ALK: variants seen among roughly 807,000 people sequenced by gnomAD.
ALK encodes ALK tyrosine kinase receptor.
A neutral mutation model predicts 163.1 loss-of-function variants in ALK; 74 were observed. The observed-to-expected ratio is 0.45, with a 90% CI of 0.38 to 0.55. The LOEUF is 0.55. Ranked by LOEUF, ALK falls within the 20% of genes least tolerant of loss-of-function variation. The pLI, the probability that ALK is intolerant of heterozygous loss-of-function variation, is 0.00. For synonymous variants in ALK, 960 were observed against 843.2 expected, an observed-to-expected ratio of 1.14 and a Z score of -2.40; for missense variants, 2,063 against 2,105.3, an observed-to-expected ratio of 0.98 and a Z score of 0.39.
At position 29,528,744 on chromosome 2, in the gene ALK, C is replaced by A. The variant is rs142161724; in HGVS notation, c.1154+3171G>T. Among the ~76,000 whole-genome samples the A allele has an allele frequency of 5.4e-3, 824 of 152,266 alleles. 5 individuals carry two copies. Among genetic ancestry groups the A allele is most frequent in the Admixed American group, 0.011 (170 of 15,294 alleles). On this transcript the variant is annotated intron_variant, in intron 4 of 28. Coordinates refer to ENST00000389048, the MANE Select transcript of ALK (RefSeq NM_004304.5). The stretch of plus-strand genomic sequence containing the variant: ...TTTCCATATGCCATTTCACAGCTCA[C>A]CATTTTACATAAGTATTATCCTATT...
At chr2:29,634,657 A>G (rs1231882151) in intron 3 of ALK, among the ~76,000 whole-genome samples, 1 of 152,222 alleles carries the variant, frequency 6.6e-6, no homozygotes, top group Non-Finnish European at 1.5e-5. Flanking sequence ...TAAACTCTAT[A>G]GCTAACACTG....
At chr2:29,581,434 G>A (rs552831641) in intron 3 of ALK, among the ~76,000 whole-genome samples, 9 of 152,206 alleles carry the variant, frequency 5.9e-5, no homozygotes, top group East Asian at 5.8e-4. Context: ...AGCAGAGCCC[G>A]TGCAGAGCAG....
chr2:29,342,775 G>A lies in ALK; in HGVS notation c.1283-14294C>T, dbSNP rs542296958. 5.9e-5 allele frequency among the ~76,000 whole-genome samples: 9 copies of A among 151,860 alleles called. No individual in the cohort carries two copies. The South Asian group carries it at 1.9e-3, about 32-fold the overall frequency. On this transcript the variant is annotated intron_variant, in intron 5 of 28. Coordinates refer to ENST00000389048, the MANE Select transcript of ALK (RefSeq NM_004304.5). Reference sequence around the variant, plus strand: ...ATCCCCTTTCTGTTTGGTTTCCAGTGGAATCTACCGGTGTGTGAGGCACTG... The same window carrying A: ...ATCCCCTTTCTGTTTGGTTTCCAGTAGAATCTACCGGTGTGTGAGGCACTG...
At chr2:29,556,977 C>T (rs955772631) in intron 3 of ALK, among the ~76,000 whole-genome samples, 1 of 152,120 alleles carries the variant, frequency 6.6e-6, no homozygotes, top group Non-Finnish European at 1.5e-5. Flanking sequence ...AATATCTCTA[C>T]AAATACTTTA....
chr2:29,561,077 T>C lies in ALK; in HGVS notation c.953-28961A>G, dbSNP rs182713020. Among the ~76,000 whole-genome samples, 44 of 152,340 alleles carry C rather than the reference T, an allele frequency of 2.9e-4. No individual in the cohort carries two copies. In the East Asian group the frequency reaches 6.7e-3, roughly 23 times the overall value. On this transcript the variant is annotated intron_variant, in intron 3 of 28. Coordinates refer to ENST00000389048, the MANE Select transcript of ALK (RefSeq NM_004304.5). ...GTTTTAAATTGTTTACATGTTGAAA[T>C]AATATTTTGGCTATATTGAGTTAAA...
At chr2:29,458,865 G>A (rs556595361) in intron 4 of ALK, among the ~76,000 whole-genome samples, 1 of 152,268 alleles carries the variant, frequency 6.6e-6, no homozygotes, top group Admixed American at 6.5e-5. Context: ...TTTGTTTGGT[G>A]TTCCCCTTTC....
chr2:29,440,408 C>G (rs1396747525), intron 4 of ALK, among the ~76,000 whole-genome samples: 1 of 150,924 alleles, frequency 6.6e-6, no homozygotes, highest in Non-Finnish European at 1.5e-5. Context: ...TCTCTGCCTC[C>G]TGGGTTCAAG....
chr2:29,815,079 T>G (rs1250801872), intron 1 of ALK, among the ~76,000 whole-genome samples: 2 of 148,894 alleles, frequency 1.3e-5, no homozygotes, highest in Admixed American at 1.4e-4. Flanking sequence ...ATCATAGAAA[T>G]CTAGAGTGTT....
chr2:29,550,473 T>A (rs1673685023), intron 3 of ALK, among the ~76,000 whole-genome samples: 1 of 152,224 alleles, frequency 6.6e-6, no homozygotes, highest in Non-Finnish European at 1.5e-5. Flanking sequence ...TGAGAAATAA[T>A]GGCTGTCTGA....
chr2:29,417,022 C>G (rs1288900132), intron 4 of ALK, among the ~76,000 whole-genome samples: 4 of 116,150 alleles, frequency 3.4e-5, no homozygotes, highest in Admixed American at 1.1e-4. Flanking sequence ...GAGTCTTGCT[C>G]TGTCACCCAG....
intron 3 of ALK, among the ~76,000 whole-genome samples, chr2:29,582,970 AGCCT>A (rs1381525755): frequency 1.3e-5 from 2 of 149,394 alleles, no homozygotes; most frequent in Non-Finnish European, 3.0e-5. Flanking sequence ...TCAAGCCTTT[AGCCT>A]GCCTCAGCCT....
intron 3 of ALK, among the ~76,000 whole-genome samples, chr2:29,543,831 T>C (rs976329498): frequency 6.6e-6 from 1 of 152,232 alleles, no homozygotes; most frequent in African/African-American, 2.4e-5. Flanking sequence ...CTGTTTGCTA[T>C]TCAGAATTTG....
intron 4 of ALK, among the ~76,000 whole-genome samples, chr2:29,477,204 G>A (rs998329803): frequency 1.3e-5 from 2 of 152,218 alleles, no homozygotes; most frequent in South Asian, 4.2e-4. Context: ...GGGTCCTAGA[G>A]CCTGGAAAGG....
chr2:29,212,949 C>A (rs1481489652), intron 24 of ALK, among the ~76,000 whole-genome samples: 6 of 152,230 alleles, frequency 3.9e-5, no homozygotes, highest in Admixed American at 2.6e-4. Flanking sequence ...ATGTGATTCT[C>A]CCGCCTCAGC....
chr2:29,423,287 G>A (rs1670061254), intron 4 of ALK, among the ~76,000 whole-genome samples: 1 of 152,176 alleles, frequency 6.6e-6, no homozygotes. Context: ...ACTTGCCTGT[G>A]AGCCCTTTGA....
chr2:29,721,445 C>G (rs1435917579), intron 1 of ALK, among the ~76,000 whole-genome samples: 1 of 152,202 alleles, frequency 6.6e-6, no homozygotes, highest in Non-Finnish European at 1.5e-5. Flanking sequence ...CCGGGAATCC[C>G]ATTGCCTTCC....
chr2:29,346,005 C>T (rs1246420826), intron 5 of ALK, among the ~76,000 whole-genome samples: 1 of 152,154 alleles, frequency 6.6e-6, no homozygotes, highest in African/African-American at 2.4e-5. Flanking sequence ...GCTCTCTTTT[C>T]TAAACCTTTC....
chr2:29,371,950 G>A (rs2148293605), intron 5 of ALK, among the ~76,000 whole-genome samples: 1 of 152,272 alleles, frequency 6.6e-6, no homozygotes, highest in South Asian at 2.1e-4. Context: ...TCAGAGTGTG[G>A]GTAATCACTA....
At chr2:29,284,883 C>A (rs1665812133) in intron 9 of ALK, among the ~76,000 whole-genome samples, 1 of 152,228 alleles carries the variant, frequency 6.6e-6, no homozygotes, top group Non-Finnish European at 1.5e-5. Flanking sequence ...TCTTGAACGG[C>A]TGAAGCTGCT....
Sources: gnomAD v4.1 joint callset for allele counts (sites outside exome capture counted in the v4.1 genomes callset) on GRCh38, gnomAD v4.1.1 for gene constraint, MANE v1.5 for transcripts, NCBI Gene and HGNC (gene_info 2026-07-23, HGNC 2026-07-21) for gene names.